The following DLGAP2 variants were observed in gnomAD, a reference collection of about 807,000 sequenced individuals.
The protein encoded by DLGAP2 is DLG associated protein 2.
Under a neutral mutation model 100.3 loss-of-function variants are expected in DLGAP2, and 26 were observed. The ratio of observed to expected loss-of-function variants is 0.26; its 90% CI spans 0.19 to 0.36. The LOEUF (loss-of-function observed/expected upper bound fraction) is 0.36, where lower values mean the gene tolerates loss of function less well. DLGAP2 is among the 10% of genes least tolerant of loss of function. The probability of loss-of-function intolerance (pLI) is 1.00; values close to 1 mark genes in which losing one functional copy is unlikely to be tolerated. For missense variants in DLGAP2, 1,858 were observed against 1,453.2 expected (o/e 1.28, Z -4.53); for synonymous variants, 886 against 630.1 (o/e 1.41, Z -6.08).
intron 3 of DLGAP2, among the ~76,000 whole-genome samples, chr8:1,466,497 G>A (rs530628731): frequency 6.7e-6 from 1 of 150,180 alleles, no homozygotes; most frequent in Admixed American, 6.7e-5. Context: ...CAGGTACCAG[G>A]GTATAACTTT....
At chr8:1,197,895 T>C (rs1202971491) in intron 2 of DLGAP2, among the ~76,000 whole-genome samples, 1 of 152,142 alleles carries the variant, frequency 6.6e-6, no homozygotes, top group East Asian at 1.9e-4. Flanking sequence ...TTTCCTCTCA[T>C]GGGGAATGAG....
At chr8:1,648,500 C>T (rs1798092958) in intron 8 of DLGAP2, among the ~76,000 whole-genome samples, 1 of 152,194 alleles carries the variant, frequency 6.6e-6, no homozygotes, top group Non-Finnish European at 1.5e-5. Context: ...AAAACCAGGA[C>T]TCCCAGGAGG....
chr8:1,022,674 G>A (rs528671515), intron 2 of DLGAP2, among the ~76,000 whole-genome samples: 19 of 151,174 alleles, frequency 1.3e-4, no homozygotes, highest in African/African-American at 4.4e-4. Flanking sequence ...CCCGTGCCGA[G>A]GTAGACGCTC....
intron 3 of DLGAP2, among the ~76,000 whole-genome samples, chr8:1,468,877 ACT>A (rs1798704264): frequency 6.6e-6 from 1 of 151,396 alleles, no homozygotes. Context: ...CCCGGCCCAG[ACT>A]CTCTTCCCGT....
chr8:1,175,080 T>C (rs1483340456), intron 2 of DLGAP2, among the ~76,000 whole-genome samples: 2 of 152,226 alleles, frequency 1.3e-5, no homozygotes, highest in African/African-American at 4.8e-5. Flanking sequence ...AAAATTATTC[T>C]AGGATTCCCC....
intron 2 of DLGAP2, among the ~76,000 whole-genome samples, chr8:1,013,722 C>G (rs1276946706): frequency 2.3e-5 from 1 of 42,838 alleles, no homozygotes; most frequent in Non-Finnish European, 3.8e-5. Flanking sequence ...CCAGGACAGA[C>G]GACGCCTCCA....
chr8:778,392 A>G (rs955071627), intron 1 of DLGAP2, among the ~76,000 whole-genome samples: 3 of 152,206 alleles, frequency 2.0e-5, no homozygotes, highest in African/African-American at 7.2e-5. Context: ...CTGGTGAGGA[A>G]CTGCGTTCCG....
At chr8:1,079,198 C>T (rs1349228441) in intron 2 of DLGAP2, among the ~76,000 whole-genome samples, 3 of 152,080 alleles carry the variant, frequency 2.0e-5, no homozygotes, top group Non-Finnish European at 2.9e-5. Context: ...ACATATGTTC[C>T]TTGGTGAGGT....
intron 6 of DLGAP2, among the ~76,000 whole-genome samples, chr8:1,573,178 A>G (rs1584943181): frequency 7.5e-6 from 1 of 133,326 alleles, no homozygotes; most frequent in African/African-American, 3.0e-5. Flanking sequence ...TGAGATGGAG[A>G]TGAGAGAGGG....
intron 3 of DLGAP2, among the ~76,000 whole-genome samples, chr8:1,478,191 C>A (rs539954948): frequency 6.6e-6 from 1 of 152,134 alleles, no homozygotes; most frequent in South Asian, 2.1e-4. Context: ...TACCCATGAG[C>A]CTGTAGCCAT....
chr8:926,503 C>T (rs968469187), intron 2 of DLGAP2, among the ~76,000 whole-genome samples: 2 of 152,320 alleles, frequency 1.3e-5, no homozygotes, highest in Admixed American at 6.5e-5. Flanking sequence ...TAAACAGATC[C>T]CAGGAACCCT....
chr8:805,050 C>T (rs1261792067), intron 1 of DLGAP2, among the ~76,000 whole-genome samples: 1 of 152,314 alleles, frequency 6.6e-6, no homozygotes, highest in African/African-American at 2.4e-5. Context: ...GGATTATAGG[C>T]GTGAGCTACT....
intron 3 of DLGAP2, among the ~76,000 whole-genome samples, chr8:1,466,776 G>A (rs1311826957): frequency 6.6e-6 from 1 of 152,168 alleles, no homozygotes; most frequent in African/African-American, 2.4e-5. Context: ...GTGTGATGTG[G>A]TTGGTGAGAC....
At chr8:1,159,156 G>C (rs998198030) in intron 2 of DLGAP2, among the ~76,000 whole-genome samples, 1 of 152,172 alleles carries the variant, frequency 6.6e-6, no homozygotes, top group Admixed American at 6.5e-5. Flanking sequence ...AAAGATGTCT[G>C]ATAAAAAATA....
intron 11 of DLGAP2, 151 bp from the exon 12 acceptor site, chr8:1,678,063 C>T (rs1798850381): frequency 2.5e-6 from 2 of 815,420 alleles, no homozygotes; most frequent in Non-Finnish European, 1.9e-6. Flanking sequence ...ACAGACAAAA[C>T]ACCAGCATAT....
intron 2 of DLGAP2, among the ~76,000 whole-genome samples, chr8:1,208,512 G>T (rs1259497030): frequency 6.6e-6 from 1 of 152,134 alleles, no homozygotes; most frequent in Non-Finnish European, 1.5e-5. Flanking sequence ...CACACTAACA[G>T]CCAACATTAT....
At chr8:1,181,182 G>C (rs1389533600) in intron 2 of DLGAP2, among the ~76,000 whole-genome samples, 1 of 124,928 alleles carries the variant, frequency 8.0e-6, no homozygotes, top group Non-Finnish European at 1.7e-5. Flanking sequence ...TGTCGAGTGT[G>C]GGTGGCTGTG....
chr8:1,406,650 G>A (rs1796571082), intron 3 of DLGAP2, among the ~76,000 whole-genome samples: 1 of 31,806 alleles, frequency 3.1e-5, no homozygotes, highest in South Asian at 3.2e-3. Flanking sequence ...GTCCTCCGGA[G>A]TCGTGTATTG....
intron 8 of DLGAP2, among the ~76,000 whole-genome samples, chr8:1,638,035 C>T (rs1319329354): frequency 2.0e-5 from 3 of 152,138 alleles, no homozygotes; most frequent in Non-Finnish European, 4.4e-5. Context: ...GCAGGGCACC[C>T]GGCCTGGAGG....
Sources: allele counts gnomAD v4.1 joint callset (sites outside exome capture counted in the v4.1 genomes callset), GRCh38; gene constraint gnomAD v4.1.1; transcripts MANE v1.5; gene names NCBI Gene and HGNC (gene_info 2026-07-23, HGNC 2026-07-21).